The following ITGA9 variants were observed in gnomAD, a reference collection of about 807,000 sequenced individuals.
The protein encoded by ITGA9 is integrin alpha-9.
In ITGA9, 56 loss-of-function variants were observed where a neutral mutation model predicts 127.8. The ratio of observed to expected loss-of-function variants is 0.44; its 90% CI spans 0.35 to 0.55. The LOEUF is 0.55. ITGA9 is among the 20% of genes least tolerant of loss of function. The pLI, the probability that ITGA9 is intolerant of heterozygous loss-of-function variation, is 0.00. For missense variants in ITGA9, 1,196 were observed against 1,347.1 expected, an observed-to-expected ratio of 0.89 and a Z score of 1.76; for synonymous variants, 508 against 514.5, an observed-to-expected ratio of 0.99 and a Z score of 0.17.
chr3:37,481,698 C>T (rs959360284), intron 4 of ITGA9, 91 bp downstream of exon 4: 7 of 1,506,596 alleles, frequency 4.6e-6, no homozygotes, highest in African/African-American at 4.1e-5. Context: ...CTGAACATTT[C>T]CCCAGCTTTC....
intron 8 of ITGA9, 129 bp downstream of exon 8, chr3:37,508,756 T>C (rs1023987804): frequency 5.4e-6 from 4 of 737,794 alleles, no homozygotes; most frequent in Non-Finnish European, 7.3e-6. Context: ...GCTGTCTGCT[T>C]GTTGGTGTCT....
At chr3:37,493,121 C>T (rs1698689468) in intron 4 of ITGA9, among the ~76,000 whole-genome samples, 1 of 152,126 alleles carries the variant, frequency 6.6e-6, no homozygotes, top group African/African-American at 2.4e-5. Context: ...ACTCAATTGA[C>T]ATTCTTTGTC....
At chr3:37,812,196 G>A (rs1394992903) in intron 27 of ITGA9, among the ~76,000 whole-genome samples, 2 of 152,228 alleles carry the variant, frequency 1.3e-5, no homozygotes, top group African/African-American at 2.4e-5. Context: ...GCTTGTTTAT[G>A]CTTGGGAGTA....
Position 37,470,972 on chromosome 3 carries a change from A to G in ITGA9, c.186-35A>G, listed in dbSNP as rs754246543. The G allele has an allele frequency of 2.5e-6, 4 of 1,613,308 alleles. No individual in the cohort carries two copies. In the Admixed American group the frequency reaches 5.0e-5, roughly 20 times the overall value. On this transcript the variant is annotated intron_variant, in intron 1 of 27. Transcript: ENST00000264741. ...CATCTGCCTCCTATTTTCTTATCGT[A>G]GGTTGTGACAGAATGCCTTTTTCTC... is the stretch of plus-strand genomic sequence containing the variant.
chr3:37,708,027 A>C (rs942910566), intron 18 of ITGA9, among the ~76,000 whole-genome samples: 1 of 151,918 alleles, frequency 6.6e-6, no homozygotes, highest in Admixed American at 6.6e-5. Flanking sequence ...AGCATAACAA[A>C]CCACCCCCAA....
In ITGA9 at chr3:37,538,508, A is replaced by G. The variant is rs551273930; in HGVS notation, c.1529-3917A>G. Among the ~76,000 whole-genome samples, 5 of 152,302 alleles carry G rather than the reference A, an allele frequency of 3.3e-5. No homozygotes were observed. In the South Asian group the frequency reaches 8.3e-4, roughly 25 times the overall value. The stretch of plus-strand genomic sequence containing the variant: ...GCTGTTGGAGCAGGCCCTAATCAGA[A>G]CTAGCAGCCTCCCAGGGACAGACAG... On this transcript the variant is annotated intron_variant, in intron 14 of 27. Transcript: ENST00000264741.
At chr3:37,618,557 G>C (rs1049027370) in intron 15 of ITGA9, among the ~76,000 whole-genome samples, 4 of 152,224 alleles carry the variant, frequency 2.6e-5, no homozygotes, top group African/African-American at 9.6e-5. Flanking sequence ...CCTACCCCCA[G>C]AGGTGGAGTC....
intron 18 of ITGA9, among the ~76,000 whole-genome samples, chr3:37,710,990 T>C (rs1014949745): frequency 6.6e-6 from 1 of 152,196 alleles, no homozygotes; most frequent in Admixed American, 6.5e-5. Context: ...TTAGCCCTCA[T>C]AGTGGGTTGG....
At chr3:37,564,078 A>C (rs565755935) in intron 15 of ITGA9, among the ~76,000 whole-genome samples, 2 of 152,222 alleles carry the variant, frequency 1.3e-5, no homozygotes, top group Non-Finnish European at 2.9e-5. Context: ...GCAGGACTTC[A>C]TGGAGCTTTA....
chr3:37,464,120 T>A (rs915354538), intron 1 of ITGA9, among the ~76,000 whole-genome samples: 4 of 81,232 alleles, frequency 4.9e-5, no homozygotes, highest in African/African-American at 2.7e-4. Context: ...GGTGTGAGTG[T>A]GTGTGTGTGT....
chr3:37,700,696 T>C (rs1208076862), intron 18 of ITGA9, among the ~76,000 whole-genome samples: 1 of 152,190 alleles, frequency 6.6e-6, no homozygotes, highest in Non-Finnish European at 1.5e-5. Flanking sequence ...ACTGCAGCAG[T>C]GCCTGGATGT....
chr3:37,495,894 C>T (rs1698722889), intron 5 of ITGA9, among the ~76,000 whole-genome samples: 1 of 152,180 alleles, frequency 6.6e-6, no homozygotes, highest in South Asian at 2.1e-4. Flanking sequence ...ACCCATCCTT[C>T]TGACTCCGAG....
chr3:37,678,579 A>G (rs762590127), intron 17 of ITGA9, among the ~76,000 whole-genome samples: 9 of 152,212 alleles, frequency 5.9e-5, no homozygotes, highest in Non-Finnish European at 1.2e-4. Flanking sequence ...ATGCAAATAT[A>G]GTTGGATGCA....
intron 23 of ITGA9, 64 bp downstream of exon 23, chr3:37,750,633 T>C (rs1038293382): frequency 8.9e-7 from 1 of 1,117,816 alleles, no homozygotes; most frequent in Non-Finnish European, 1.4e-6. Flanking sequence ...AAATTTTGTA[T>C]TCCACCCTAC....
In ITGA9 at chr3:37,818,965, G is replaced by C; in HGVS notation, c.3084G>C (p.Trp1028Cys). ...ACCGGAAAGAGAATGAAGACAGTTG[G>C]GACTGGGTCCAGAAAAACCAGTGAG... is the stretch of plus-strand genomic sequence containing the variant. ...EKNRKENEDSWDWVQKNQ is the reference protein window; with the variant it reads ...EKNRKENEDSCDWVQKNQ The change falls in exon 28 of 28, where the codon TGG becomes TGC. Residue 1028 changes from tryptophan to cysteine, a missense_variant. Coordinates refer to ENST00000264741, the MANE Select transcript of ITGA9 (RefSeq NM_002207.3). 6.2e-7 allele frequency: 1 copy of C among 1,613,822 alleles called. No individual in the cohort carries two copies. The highest frequency in any genetic ancestry group is 1.1e-5 in the South Asian group (1 of 91,070).
intron 16 of ITGA9, among the ~76,000 whole-genome samples, chr3:37,637,262 C>G (rs538895078): frequency 6.6e-6 from 1 of 152,104 alleles, no homozygotes; most frequent in Non-Finnish European, 1.5e-5. Context: ...TTCCTACCTA[C>G]GAGCATGGAA....
intron 16 of ITGA9, among the ~76,000 whole-genome samples, chr3:37,631,131 A>G (rs1464741844): frequency 6.6e-6 from 1 of 152,200 alleles, no homozygotes; most frequent in Non-Finnish European, 1.5e-5. Context: ...CTGGACTGAT[A>G]AACTTACCCA....
intron 14 of ITGA9, among the ~76,000 whole-genome samples, chr3:37,535,109 T>A (rs76952775): frequency 6.6e-6 from 1 of 152,206 alleles, no homozygotes; most frequent in Non-Finnish European, 1.5e-5. Context: ...CGAGTAATAG[T>A]TTCTGTGTAT....
Position 37,513,819 on chromosome 3 carries a change from C to T in ITGA9, c.954C>T (p.Leu318=), listed in dbSNP as rs1474129714. The T allele has an allele frequency of 1.9e-6, 3 of 1,613,870 alleles. No homozygotes were observed. Among genetic ancestry groups the T allele is most frequent in the Non-Finnish European group, 2.5e-6 (3 of 1,180,040 alleles). The change falls in exon 9 of 28, where the codon CTC becomes CTT. Residue 318 remains leucine, a synonymous_variant. Transcript: ENST00000264741. ...LCAVDLNGDG[L]SDLLVGAPMF... is the part of the protein sequence containing the mutation. ...CAGTTGACCTGAATGGGGACGGCCT[C>T]TCTGACCTGCTGGTGGGGGCCCCCA...
Sources: allele counts gnomAD v4.1 joint callset (sites outside exome capture counted in the v4.1 genomes callset), GRCh38; gene constraint gnomAD v4.1.1; transcripts MANE v1.5; gene names NCBI Gene and HGNC (gene_info 2026-07-23, HGNC 2026-07-21).